The following FAM114A2 variants were observed in gnomAD, a reference collection of about 807,000 sequenced individuals.
The protein encoded by FAM114A2 is family with sequence similarity 114 member A2.
Under a neutral mutation model 58.4 loss-of-function variants are expected in FAM114A2, and 53 were observed. The observed-to-expected ratio is 0.91, with a 90% CI of 0.73 to 1.14. FAM114A2 has a LOEUF of 1.14. FAM114A2 is among the 50% of genes most tolerant of loss of function. FAM114A2 has a pLI of 0.00. For synonymous variants in FAM114A2, 228 were observed against 211.4 expected, an observed-to-expected ratio of 1.08 and a Z score of -0.68; for missense variants, 601 against 581.1, an observed-to-expected ratio of 1.03 and a Z score of -0.35.
At chr5:154,021,903 G>T (rs557963717) in intron 8 of FAM114A2, among the ~76,000 whole-genome samples, 2 of 152,198 alleles carry the variant, frequency 1.3e-5, no homozygotes, top group African/African-American at 4.8e-5. Context: ...ATACTACAAG[G>T]CCACAGTAAC....
At chr5:153,994,854 A>C in intron 13 of FAM114A2, 65 bp downstream of exon 13, 1 of 1,046,596 alleles carries the variant, frequency 9.6e-7, no homozygotes, top group Non-Finnish European at 1.5e-6. Context: ...CAAAAGCAAA[A>C]GGCTTCAGAA....
At chr5:154,021,408 A>C (rs986029648) in intron 8 of FAM114A2, among the ~76,000 whole-genome samples, 2 of 152,228 alleles carry the variant, frequency 1.3e-5, no homozygotes, top group Admixed American at 6.5e-5. Context: ...CCATTGTCTC[A>C]GCCCAAAATC....
intron 9 of FAM114A2, among the ~76,000 whole-genome samples, chr5:154,004,083 G>T (rs1472024494): frequency 6.6e-6 from 1 of 152,148 alleles, no homozygotes; most frequent in South Asian, 2.1e-4. Context: ...CATCAGCTAG[G>T]TTTGTGTAAG....
intron 9 of FAM114A2, among the ~76,000 whole-genome samples, chr5:154,010,414 T>C (rs1020102792): frequency 9.9e-5 from 15 of 152,202 alleles, no homozygotes; most frequent in African/African-American, 3.6e-4. Context: ...TTTCAGAGAA[T>C]GCAGCATTTT....
At chr5:154,015,177 C>T (rs1002333404) in intron 8 of FAM114A2, among the ~76,000 whole-genome samples, 10 of 152,110 alleles carry the variant, frequency 6.6e-5, no homozygotes, top group African/African-American at 2.4e-4. Flanking sequence ...ACACACCTAA[C>T]CCTGCCCTTC....
chr5:153,991,035 T>C lies in FAM114A2; in HGVS notation c.*1941A>G, dbSNP rs1186251233. 6.6e-6 allele frequency: 1 copy of C among 152,054 alleles called. No individual in the cohort carries two copies. The highest frequency in any genetic ancestry group is 2.1e-4 in the South Asian group (1 of 4,820). The allele number at this position is 152,054 out of a possible 1,614,324, so 9.4% of individuals were successfully genotyped here. The stretch of plus-strand genomic sequence containing the variant: ...AAGAGTAGACAATTGTTACTCAGAA[T>C]TGGGCCTTTCATCATTTCACTAGTG... On this transcript the variant is annotated 3_prime_UTR_variant, in exon 14 of 14. Coordinates refer to ENST00000351797, the MANE Select transcript of FAM114A2 (RefSeq NM_018691.4).
intron 8 of FAM114A2, among the ~76,000 whole-genome samples, chr5:154,017,675 CA>C (rs780468016): frequency 6.6e-6 from 1 of 152,098 alleles, no homozygotes; most frequent in Non-Finnish European, 1.5e-5. Flanking sequence ...TTCTCCAAGA[CA>C]GACCATATGA....
chr5:154,014,235 C>T (rs183379304), intron 8 of FAM114A2, among the ~76,000 whole-genome samples: 434 of 152,228 alleles, frequency 2.9e-3, no homozygotes, highest in Admixed American at 5.4e-3. Context: ...GGACACAATG[C>T]AGAACAGAAA....
intron 9 of FAM114A2, 93 bp from the exon 10 acceptor site, chr5:154,003,062 A>G (rs1023665036): frequency 2.1e-5 from 24 of 1,155,152 alleles, no homozygotes; most frequent in Non-Finnish European, 2.8e-5. Context: ...CCTAGAAGTA[A>G]GGGCTCCTGT....
chr5:154,000,474 T>TA (rs1554080804), intron 11 of FAM114A2, among the ~76,000 whole-genome samples: 1 of 151,722 alleles, frequency 6.6e-6, no homozygotes, highest in African/African-American at 2.4e-5. Flanking sequence ...TATATATATA[T>TA]TATGTATCAG....
At chr5:154,021,249 C>G (rs905056287) in intron 8 of FAM114A2, among the ~76,000 whole-genome samples, 1 of 152,176 alleles carries the variant, frequency 6.6e-6, no homozygotes, top group African/African-American at 2.4e-5. Flanking sequence ...GACAGGGATG[C>G]CCTCTCTCAC....
At chr5:154,026,302 G>A in intron 8 of FAM114A2, 97 bp downstream of exon 8, 1 of 948,856 alleles carries the variant, frequency 1.1e-6, no homozygotes, top group African/African-American at 1.7e-5. Context: ...GTAAAATCAA[G>A]CCAGTGTAAT....
chr5:154,028,348 A>G, intron 5 of FAM114A2, 65 bp from the exon 6 acceptor site: 1 of 1,133,720 alleles, frequency 8.8e-7, no homozygotes, highest in African/African-American at 1.6e-5. Flanking sequence ...CATTTTTATT[A>G]TGTATTTATT....
Position 154,033,706 on chromosome 5 carries a change from T to A in FAM114A2, c.403+85A>T, listed in dbSNP as rs10057144. 400 of 771,596 alleles carry A rather than the reference T, an allele frequency of 5.2e-4. 1 individual carries two copies. The African/African-American group carries it at 6.3e-3, about 12-fold the overall frequency. 47.8% of individuals were successfully genotyped at this position (771,596 alleles called of 1,614,324 possible). On this transcript the variant is annotated intron_variant, in intron 4 of 13. Coordinates refer to ENST00000351797, the MANE Select transcript of FAM114A2 (RefSeq NM_018691.4). ...GTCCCACGATGCCCTGAGTATCAGA[T>A]GTCCAATAAATACCTACTGAAAAAT...
chr5:154,014,133 C>G (rs1475485787), intron 8 of FAM114A2, among the ~76,000 whole-genome samples: 1 of 152,146 alleles, frequency 6.6e-6, no homozygotes, highest in Non-Finnish European at 1.5e-5. Context: ...AACTTGTATT[C>G]AAGAACCGTT....
rs746611020 is a variant in FAM114A2, at chr5:154,034,935, T to C, written c.19A>G (p.Ile7Val). 3.1e-6 allele frequency: 5 copies of C among 1,613,494 alleles called. No individual in the cohort carries two copies. The highest frequency in any genetic ancestry group is 4.2e-6 in the Non-Finnish European group (5 of 1,179,582). MSDKDD[I>V]ETPLLTEAAP... ...GCTTCAGTTAGCAGTGGAGTCTCAA[T>C]ATCATCTTTATCTGACATGATTAGA... The change falls in exon 2 of 14, where the codon ATT becomes GTT. Residue 7 changes from isoleucine (I) to valine (V), a missense_variant. Transcript: ENST00000351797.
In FAM114A2 at chr5:153,997,672, G is replaced by A. The variant is rs75431407; in HGVS notation, c.1329+131C>T. On this transcript the variant is annotated intron_variant, in intron 12 of 13. Coordinates refer to ENST00000351797, the MANE Select transcript of FAM114A2 (RefSeq NM_018691.4). ...TTAAAATTAGACTATGGAAATGGCCGCGCAACTCTGTAAATATACTAAAAA... is the reference window on the plus strand; with the variant it reads ...TTAAAATTAGACTATGGAAATGGCCACGCAACTCTGTAAATATACTAAAAA... 3.9e-3 allele frequency: 2,420 copies of A among 620,382 alleles called. 54 individuals are homozygous for A. The African/African-American group carries it at 0.04, about 10-fold the overall frequency. The allele number at this position is 620,382 out of a possible 1,614,324, so 38.4% of individuals were successfully genotyped here.
At position 153,990,487 on chromosome 5, in the gene FAM114A2, G is replaced by C. The variant is rs1287109797; in HGVS notation, c.*2489C>G. 1 of 128,708 alleles carries C rather than the reference G, an allele frequency of 7.8e-6. No homozygotes were observed. The highest frequency in any genetic ancestry group is 2.9e-5 in the African/African-American group (1 of 34,902). 8.0% of individuals were successfully genotyped at this position (128,708 alleles called of 1,614,324 possible). On this transcript the variant is annotated 3_prime_UTR_variant, in exon 14 of 14. Coordinates refer to ENST00000351797, the MANE Select transcript of FAM114A2 (RefSeq NM_018691.4). ...CACATTTCAGAGGCCTGCCAACCTG[G>C]ATATCTATGCTTAAAAAAAAAAAAA...
At position 154,021,855 on chromosome 5, in the gene FAM114A2, A is replaced by C. The variant is rs142084258; in HGVS notation, c.913+4544T>G. Among the ~76,000 whole-genome samples, 251 of 152,324 alleles carry C rather than the reference A, an allele frequency of 1.6e-3. 3 individuals are homozygous for C. In the East Asian group the frequency reaches 0.025, roughly 15 times the overall value. On this transcript the variant is annotated intron_variant, in intron 8 of 13. Transcript: ENST00000351797. ...GCATTGCCAAGACAATCCTAAGCCAAAAGAACAAAGCTGGAGGCATCATAT... is the reference window on the plus strand; with the variant it reads ...GCATTGCCAAGACAATCCTAAGCCACAAGAACAAAGCTGGAGGCATCATAT...
Sources: allele counts gnomAD v4.1 joint callset (sites outside exome capture counted in the v4.1 genomes callset), GRCh38; gene constraint gnomAD v4.1.1; transcripts MANE v1.5; gene names NCBI Gene and HGNC (gene_info 2026-07-23, HGNC 2026-07-21).